GNAQ: variants seen among roughly 807,000 people sequenced by gnomAD.
GNAQ encodes the protein guanine nucleotide-binding protein G(q) subunit alpha.
GNAQ carries 8 observed loss-of-function variants against 43.9 expected under a neutral mutation model. The observed-to-expected ratio is 0.18, with a 90% CI of 0.11 to 0.33. The LOEUF (loss-of-function observed/expected upper bound fraction) is 0.33, where lower values mean the gene tolerates loss of function less well. Among genes scored for constraint, GNAQ ranks in the 10% least tolerant of loss-of-function variants. GNAQ has a pLI of 1.00. For missense variants in GNAQ, 158 were observed against 450.8 expected (o/e 0.35, Z 5.88); for synonymous variants, 155 against 170.7 (o/e 0.91, Z 0.71).
At chr9:77,843,258 G>C (rs903936174) in intron 2 of GNAQ, among the ~76,000 whole-genome samples, 8 of 152,142 alleles carry the variant, frequency 5.3e-5, no homozygotes, top group African/African-American at 1.4e-4. Flanking sequence ...GATATCTGGG[G>C]GAAGACAGGC....
At chr9:77,881,903 C>G (rs1357338475) in intron 2 of GNAQ, among the ~76,000 whole-genome samples, 2 of 152,076 alleles carry the variant, frequency 1.3e-5, no homozygotes, top group African/African-American at 4.8e-5. Flanking sequence ...TTTGGGAGGC[C>G]GTGGCAGGCG....
rs879031242 is a variant in GNAQ at position 77,719,116 on chromosome 9, G to GT, written c.*2206dup. On this transcript the variant is annotated 3_prime_UTR_variant, in exon 7 of 7. Coordinates refer to ENST00000286548, the MANE Select transcript of GNAQ (RefSeq NM_002072.5). ...TAGTACCGCTCTGTATGACAGTAAG[G>GT]TTTTTTTTTTTTCTTCTTTTCTAAA... 0.062 allele frequency: 11,699 copies of GT among 187,346 alleles called. 6 individuals are homozygous for GT. The highest frequency in any genetic ancestry group is 0.13 in the East Asian group (1,382 of 10,392). 11.6% of individuals were successfully genotyped at this position (187,346 alleles called of 1,614,324 possible).
intron 1 of GNAQ, among the ~76,000 whole-genome samples, chr9:78,020,043 T>A (rs77024871): frequency 0.072 from 10,918 of 151,818 alleles, 485 homozygotes; most frequent in South Asian, 0.11. Flanking sequence ...CACAAGAGAA[T>A]ACATCCAATT....
chr9:77,839,030 T>C (rs1282521341), intron 2 of GNAQ, among the ~76,000 whole-genome samples: 1 of 152,120 alleles, frequency 6.6e-6, no homozygotes, highest in Admixed American at 6.5e-5. Context: ...ATCTTCTTCT[T>C]TGGGGTCCAT....
At chr9:77,988,078 A>G (rs1380868664) in intron 1 of GNAQ, among the ~76,000 whole-genome samples, 3 of 152,226 alleles carry the variant, frequency 2.0e-5, no homozygotes, top group Admixed American at 6.5e-5. Flanking sequence ...CCTGAGACAG[A>G]AAAGAGGTTA....
chr9:77,889,066 C>T (rs1828356551), intron 2 of GNAQ, among the ~76,000 whole-genome samples: 1 of 152,026 alleles, frequency 6.6e-6, no homozygotes, highest in Non-Finnish European at 1.5e-5. Context: ...ACTTTTGATT[C>T]CTTCACTTTA....
rs746172134 is a variant in GNAQ at position 77,790,261 on chromosome 9, G to A, written c.735+4202C>T. Among the ~76,000 whole-genome samples the A allele has an allele frequency of 4.6e-5, 7 of 152,192 alleles. No homozygotes were observed. The South Asian group carries it at 1.0e-3, about 23-fold the overall frequency. On this transcript the variant is annotated intron_variant, in intron 5 of 6. Transcript: ENST00000286548. ...AATGTTCTTTAGGTCTTTCCTTTGC[G>A]ATTTGAGTTTTTTTCTCCTCAATTT...
chr9:77,961,943 T>C (rs1005649208), intron 1 of GNAQ, among the ~76,000 whole-genome samples: 1 of 152,204 alleles, frequency 6.6e-6, no homozygotes, highest in African/African-American at 2.4e-5. Flanking sequence ...CTCAAGAATG[T>C]AGAGGAAAAC....
At chr9:77,870,117 G>A (rs12352936) in intron 2 of GNAQ, among the ~76,000 whole-genome samples, 17,278 of 152,120 alleles carry the variant, frequency 0.11, 1,040 homozygotes, top group African/African-American at 0.16. Context: ...AAGCGAGTAT[G>A]CTGATCTAAC....
At chr9:77,887,517 A>G (rs1191134148) in intron 2 of GNAQ, among the ~76,000 whole-genome samples, 2 of 152,330 alleles carry the variant, frequency 1.3e-5, no homozygotes, top group East Asian at 3.9e-4. Context: ...AGACAATAAG[A>G]GGTTCTGCAG....
chr9:77,883,129 G>A (rs1008245182), intron 2 of GNAQ, among the ~76,000 whole-genome samples: 3 of 152,190 alleles, frequency 2.0e-5, no homozygotes, highest in Admixed American at 6.5e-5. Flanking sequence ...CATAGTCGCT[G>A]GAAGTTTAAG....
intron 2 of GNAQ, among the ~76,000 whole-genome samples, chr9:77,833,095 T>C (rs1213750900): frequency 1.3e-5 from 2 of 152,076 alleles, no homozygotes; most frequent in Non-Finnish European, 2.9e-5. Flanking sequence ...GGCTCCCAAG[T>C]AGTTGGGACT....
intron 5 of GNAQ, among the ~76,000 whole-genome samples, chr9:77,734,253 TA>T (rs1587889218): frequency 6.6e-6 from 1 of 152,212 alleles, no homozygotes; most frequent in Non-Finnish European, 1.5e-5. Flanking sequence ...ATCTTGCCAA[TA>T]AGAACATATT....
At chr9:77,982,529 T>C (rs1264525487) in intron 1 of GNAQ, among the ~76,000 whole-genome samples, 2 of 152,116 alleles carry the variant, frequency 1.3e-5, no homozygotes, top group Non-Finnish European at 2.9e-5. Flanking sequence ...GAGACCACCA[T>C]TCTATCTTAG....
intron 5 of GNAQ, among the ~76,000 whole-genome samples, chr9:77,792,352 G>C (rs1338331490): frequency 1.3e-5 from 2 of 152,038 alleles, no homozygotes; most frequent in Non-Finnish European, 2.9e-5. Flanking sequence ...AGGAATCAAA[G>C]GAACTGGGAC....
At chr9:77,761,374 G>A (rs1460622759) in intron 5 of GNAQ, among the ~76,000 whole-genome samples, 210 of 137,758 alleles carry the variant, frequency 1.5e-3, no homozygotes, top group East Asian at 6.3e-3. Context: ...GGTGAGGGGC[G>A]CCTCTGCCCG....
chr9:77,911,281 TG>T (rs972715274), intron 2 of GNAQ, among the ~76,000 whole-genome samples: 2 of 152,198 alleles, frequency 1.3e-5, no homozygotes, highest in Admixed American at 1.3e-4. Context: ...GAGATAATGC[TG>T]GACGTCCATC....
At chr9:77,976,217 A>G (rs1168307337) in intron 1 of GNAQ, among the ~76,000 whole-genome samples, 1 of 152,210 alleles carries the variant, frequency 6.6e-6, no homozygotes, top group Non-Finnish European at 1.5e-5. Flanking sequence ...TTTTAGAAAA[A>G]GGTAGAACAC....
At chr9:78,000,688 G>GGGAC (rs1823632565) in intron 1 of GNAQ, among the ~76,000 whole-genome samples, 1 of 152,086 alleles carries the variant, frequency 6.6e-6, no homozygotes, top group East Asian at 1.9e-4. Flanking sequence ...TTCCATTAAC[G>GGGAC]TTAACTCAAG....
Sources: allele counts gnomAD v4.1 joint callset (sites outside exome capture counted in the v4.1 genomes callset), GRCh38; gene constraint gnomAD v4.1.1; transcripts MANE v1.5; gene names NCBI Gene and HGNC (gene_info 2026-07-23, HGNC 2026-07-21).